The following AIG1 variants were observed in gnomAD, a reference collection of about 807,000 sequenced individuals.
AIG1 encodes androgen induced 1, also known as androgen-induced gene 1 protein.
Under a neutral mutation model 31.4 loss-of-function variants are expected in AIG1, and 23 were observed. The ratio of observed to expected loss-of-function variants is 0.73; its 90% CI spans 0.53 to 1.04. The LOEUF (loss-of-function observed/expected upper bound fraction) is 1.04, where lower values mean the gene tolerates loss of function less well. Among genes scored for constraint, AIG1 ranks in the 50% least tolerant of loss-of-function variants. AIG1 has a pLI of 0.00. For missense variants in AIG1, 274 were observed against 295.0 expected, an observed-to-expected ratio of 0.93 and a Z score of 0.52; for synonymous variants, 100 against 110.5, an observed-to-expected ratio of 0.90 and a Z score of 0.60.
At chr6:143,071,750 CCTT>C (rs1304513766) in intron 1 of AIG1, among the ~76,000 whole-genome samples, 3 of 150,962 alleles carry the variant, frequency 2.0e-5, no homozygotes, top group African/African-American at 7.3e-5. Context: ...CCCTCTTCCT[CCTT>C]CTTCTCTTCT....
chr6:143,243,291 A>G (rs932945880), intron 3 of AIG1, among the ~76,000 whole-genome samples: 2 of 152,262 alleles, frequency 1.3e-5, no homozygotes, highest in African/African-American at 4.8e-5. Context: ...TATCTAAAAC[A>G]ATTCAAGAGG....
At chr6:143,193,872 G>A (rs999558418) in intron 3 of AIG1, among the ~76,000 whole-genome samples, 6 of 152,340 alleles carry the variant, frequency 3.9e-5, no homozygotes, top group South Asian at 4.1e-4. Flanking sequence ...CTGAAGGTTA[G>A]AGAATTTCAG....
intron 1 of AIG1, among the ~76,000 whole-genome samples, chr6:143,131,721 A>G (rs1422814081): frequency 6.6e-6 from 1 of 152,182 alleles, no homozygotes; most frequent in Non-Finnish European, 1.5e-5. Context: ...TTGGAAGTAG[A>G]TCTTTTCTTT....
chr6:143,247,129 GGT>G (rs1794675255), intron 3 of AIG1, among the ~76,000 whole-genome samples: 1 of 119,866 alleles, frequency 8.3e-6, no homozygotes, highest in African/African-American at 3.6e-5. Flanking sequence ...CCTGGGCTTT[GGT>G]GTCCAAGATT....
At chr6:143,218,525 T>C (rs1182798327) in intron 3 of AIG1, among the ~76,000 whole-genome samples, 2 of 152,256 alleles carry the variant, frequency 1.3e-5, no homozygotes, top group Non-Finnish European at 2.9e-5. Context: ...TTGCTGTCCC[T>C]GAAGCAAGGG....
intron 2 of AIG1, among the ~76,000 whole-genome samples, chr6:143,147,500 C>G (rs1021409997): frequency 1.3e-5 from 2 of 152,072 alleles, no homozygotes; most frequent in African/African-American, 4.8e-5. Context: ...ACACATAACT[C>G]AAAAGAAAGA....
chr6:143,164,937 G>A, intron 2 of AIG1, 145 bp from the exon 3 acceptor site: 1 of 612,792 alleles, frequency 1.6e-6, no homozygotes, highest in Admixed American at 2.9e-5. Context: ...CTAGACCTGT[G>A]TTTCCAATCA....
At chr6:143,068,700 C>T (rs1259279299) in intron 1 of AIG1, among the ~76,000 whole-genome samples, 2 of 151,994 alleles carry the variant, frequency 1.3e-5, no homozygotes, top group African/African-American at 4.8e-5. Flanking sequence ...CTTAATTCTC[C>T]CTAATTTTCC....
At chr6:143,114,551 TTATTAAGGATTAGAC>T (rs1202176664) in intron 1 of AIG1, among the ~76,000 whole-genome samples, 1 of 152,238 alleles carries the variant, frequency 6.6e-6, no homozygotes, top group Non-Finnish European at 1.5e-5. Context: ...TATTTTTATT[TTATTAAGGATTAGAC>T]ATAGTGCATT....
At chr6:143,099,729 C>A (rs1217445090) in intron 1 of AIG1, 6 of 152,154 alleles carry the variant, frequency 3.9e-5, no homozygotes, top group Admixed American at 3.9e-4. Context: ...CTTGGCAGAA[C>A]AATGGACCAT....
chr6:143,060,298 GA>G (rs1776110964), upstream of AIG1, among the ~76,000 whole-genome samples: 1 of 152,178 alleles, frequency 6.6e-6, no homozygotes, highest in Non-Finnish European at 1.5e-5. Flanking sequence ...CCAAAATACT[GA>G]AAGTCACTCG....
chr6:143,142,937 C>T (rs1013797417), intron 2 of AIG1, among the ~76,000 whole-genome samples: 4 of 152,258 alleles, frequency 2.6e-5, no homozygotes, highest in African/African-American at 9.6e-5. Flanking sequence ...CGTTTGTTGA[C>T]ATAGTAGCTA....
chr6:143,099,687 C>T lies in AIG1; in HGVS notation c.142-37148C>T, dbSNP rs552539976. On this transcript the variant is annotated intron_variant, in intron 1 of 5. Coordinates refer to ENST00000357847, the MANE Select transcript of AIG1 (RefSeq NM_016108.4). ...TTTCATTATGAAAGCTTTCTTTATC[C>T]AAATAGAAATAGTGTGTTTAAGTGG... The T allele has an allele frequency of 3.3e-5, 5 of 152,210 alleles. 1 individual carries two copies. In the South Asian group the frequency reaches 1.0e-3, roughly 32 times the overall value. The allele number at this position is 152,210 out of a possible 1,614,324, so 9.4% of individuals were successfully genotyped here.
chr6:143,301,862 T>A (rs1798847284), intron 4 of AIG1, among the ~76,000 whole-genome samples: 1 of 152,160 alleles, frequency 6.6e-6, no homozygotes, highest in Non-Finnish European at 1.5e-5. Context: ...AATAGAATAT[T>A]GATAGTGCTA....
chr6:143,116,447 G>C (rs1781744215), intron 1 of AIG1, among the ~76,000 whole-genome samples: 1 of 151,860 alleles, frequency 6.6e-6, no homozygotes, highest in Non-Finnish European at 1.5e-5. Flanking sequence ...ATTCAGCAGG[G>C]AATAAAATAT....
In AIG1 at chr6:143,080,304, T is replaced by G. The variant is rs370065791; in HGVS notation, c.141+19238T>G. Among the ~76,000 whole-genome samples the G allele has an allele frequency of 3.7e-4, 57 of 152,086 alleles. No individual in the cohort carries two copies. In the South Asian group the frequency reaches 0.011, roughly 29 times the overall value. On this transcript the variant is annotated intron_variant, in intron 1 of 5. Coordinates refer to ENST00000357847, the MANE Select transcript of AIG1 (RefSeq NM_016108.4). ...ATGGGCTAGCAGGCCAGTCCAGGGG[T>G]CCGCGGTAGATCTTAGTCATGGACT...
chr6:143,290,790 G>A (rs12189942), intron 4 of AIG1, among the ~76,000 whole-genome samples: 10,703 of 152,116 alleles, frequency 0.07, 689 homozygotes, highest in East Asian at 0.33. Context: ...GCCCTTTCAC[G>A]TCTGACTAGC....
intron 1 of AIG1, among the ~76,000 whole-genome samples, chr6:143,072,755 G>A (rs1251820666): frequency 6.6e-6 from 1 of 152,078 alleles, no homozygotes; most frequent in Admixed American, 6.6e-5. Context: ...AAATTTCATT[G>A]TGTGTATTTA....
At chr6:143,111,948 GTC>G (rs1781312090) in intron 1 of AIG1, among the ~76,000 whole-genome samples, 1 of 151,952 alleles carries the variant, frequency 6.6e-6, no homozygotes, top group South Asian at 2.1e-4. Context: ...CTCCTAACTG[GTC>G]TCTCTGCCCA....
Sources: allele counts gnomAD v4.1 joint callset (sites outside exome capture counted in the v4.1 genomes callset), GRCh38; gene constraint gnomAD v4.1.1; transcripts MANE v1.5; gene names NCBI Gene and HGNC (gene_info 2026-07-23, HGNC 2026-07-21).